The following LINGO2 variants were observed in gnomAD, a reference collection of about 807,000 sequenced individuals.
The protein encoded by LINGO2 is leucine-rich repeat and immunoglobulin-like domain-containing nogo receptor-interacting protein 2.
In LINGO2, 14 loss-of-function variants were observed where a neutral mutation model predicts 30.6. That is an observed-to-expected ratio of 0.46 (90% CI 0.30 to 0.72). The LOEUF (loss-of-function observed/expected upper bound fraction) is 0.72, where lower values mean the gene tolerates loss of function less well. Among genes scored for constraint, LINGO2 ranks in the 30% least tolerant of loss-of-function variants. LINGO2 has a pLI of 0.07. For missense variants in LINGO2, 729 were observed against 751.7 expected (o/e 0.97, Z 0.35); for synonymous variants, 317 against 288.5 (o/e 1.10, Z -1.00).
intron 4 of LINGO2, among the ~76,000 whole-genome samples, chr9:28,086,852 A>T (rs938801299): frequency 7.0e-6 from 1 of 143,396 alleles, no homozygotes; most frequent in Non-Finnish European, 1.6e-5. Context: ...GCAAGGCTTA[A>T]ATAGCAAGTA....
intron 2 of LINGO2, among the ~76,000 whole-genome samples, chr9:28,436,072 C>T (rs917787546): frequency 2.6e-5 from 4 of 152,178 alleles, no homozygotes; most frequent in Non-Finnish European, 1.5e-5. Flanking sequence ...GTCTTTCTTT[C>T]TGTTCTTAAC....
intron 4 of LINGO2, among the ~76,000 whole-genome samples, chr9:28,045,720 T>C (rs553816840): frequency 6.6e-6 from 1 of 151,736 alleles, no homozygotes; most frequent in African/African-American, 2.4e-5. Context: ...ACACTAATTT[T>C]CACAGGTACT....
chr9:29,033,631 C>G, the LINGO2 span, among the ~76,000 whole-genome samples: 1 of 151,332 alleles, frequency 6.6e-6, no homozygotes, highest in Non-Finnish European at 1.5e-5. Flanking sequence ...ATGATTGCAT[C>G]TTCATATATA....
chr9:27,979,942 A>G (rs1405193044), intron 5 of LINGO2, among the ~76,000 whole-genome samples: 1 of 151,976 alleles, frequency 6.6e-6, no homozygotes, highest in East Asian at 1.9e-4. Context: ...AGGAAGAATC[A>G]TATCTCATGT....
the LINGO2 span, among the ~76,000 whole-genome samples, chr9:29,002,196 T>G: frequency 6.6e-6 from 1 of 152,058 alleles, no homozygotes; most frequent in Admixed American, 6.6e-5. Context: ...TCCTCCAATA[T>G]CTTCATTACT....
chr9:28,065,750 G>A (rs995864553), intron 4 of LINGO2, among the ~76,000 whole-genome samples: 1 of 151,924 alleles, frequency 6.6e-6, no homozygotes, highest in Admixed American at 6.6e-5. Context: ...AGTAAAATGG[G>A]GTTAATACCA....
the LINGO2 span, among the ~76,000 whole-genome samples, chr9:29,088,845 A>G: frequency 9.1e-4 from 138 of 152,280 alleles, 1 homozygote; most frequent in African/African-American, 3.2e-3. Flanking sequence ...TCAATCTAAA[A>G]TCCAAGTAAA....
At chr9:28,662,078 TGAC>T (rs1241172695) in intron 1 of LINGO2, among the ~76,000 whole-genome samples, 1 of 152,214 alleles carries the variant, frequency 6.6e-6, no homozygotes, top group East Asian at 1.9e-4. Flanking sequence ...TCACAGGCTC[TGAC>T]AGTTGATTGG....
At chr9:28,771,163 C>T in the LINGO2 span, among the ~76,000 whole-genome samples, 3 of 152,044 alleles carry the variant, frequency 2.0e-5, no homozygotes, top group Admixed American at 6.5e-5. Context: ...CTGTAATCAG[C>T]TTATATAGGT....
intron 1 of LINGO2, among the ~76,000 whole-genome samples, chr9:28,605,087 G>A (rs539994053): frequency 3.3e-5 from 5 of 151,962 alleles, no homozygotes; most frequent in African/African-American, 1.2e-4. Flanking sequence ...CTATTCATAC[G>A]TAGTTATTGA....
At chr9:28,702,448 C>A in the LINGO2 span, among the ~76,000 whole-genome samples, 1 of 151,622 alleles carries the variant, frequency 6.6e-6, no homozygotes, top group Non-Finnish European at 1.5e-5. Context: ...AAATCTATTA[C>A]CTGGAATAAA....
rs532861458 is a variant in LINGO2 at position 28,061,589 on chromosome 9, G to T, written c.-86-49184C>A. Among the ~76,000 whole-genome samples, 3 of 151,954 alleles carry T rather than the reference G, an allele frequency of 2.0e-5. No homozygotes were observed. The South Asian group carries it at 6.2e-4, about 32-fold the overall frequency. On this transcript the variant is annotated intron_variant, in intron 4 of 5. Coordinates refer to ENST00000379992, the Ensembl canonical transcript of LINGO2. ...ATAAAAAAAGTAAATGAAATAAAAG[G>T]AAAATATGACCATGATGCCCATGCA...
Position 28,149,265 on chromosome 9 carries a change from G to A in LINGO2, c.-86-136860C>T, listed in dbSNP as rs373574165. 5.5e-4 allele frequency: 356 copies of A among 650,916 alleles called. 1 individual carries two copies. The highest frequency in any genetic ancestry group is 8.3e-4 in the Non-Finnish European group (318 of 381,176). 40.3% of individuals were successfully genotyped at this position (650,916 alleles called of 1,614,324 possible). A position where few individuals can be genotyped will look rare whatever the true frequency, so the allele number is the denominator to read the frequency against. ...AGCACTTTGGGAGGCCCAGGCGGGC[G>A]GATCAGGAGGTCAAGAGATTGAGAC... On this transcript the variant is annotated intron_variant, in intron 4 of 5. Coordinates refer to ENST00000379992, the Ensembl canonical transcript of LINGO2.
intron 4 of LINGO2, among the ~76,000 whole-genome samples, chr9:28,132,503 G>A (rs560824828): frequency 2.9e-4 from 44 of 152,236 alleles, no homozygotes; most frequent in African/African-American, 9.9e-4. Context: ...AACCATTGCA[G>A]GTACTTCAGT....
the LINGO2 span, among the ~76,000 whole-genome samples, chr9:28,826,322 G>A: frequency 1.3e-5 from 2 of 152,060 alleles, no homozygotes; most frequent in Admixed American, 6.6e-5. Context: ...AATTAAATGA[G>A]TTATTATATC....
chr9:28,108,160 C>A (rs1826655286), intron 4 of LINGO2, among the ~76,000 whole-genome samples: 1 of 152,110 alleles, frequency 6.6e-6, no homozygotes, highest in African/African-American at 2.4e-5. Context: ...ATTCCGAAAG[C>A]TCTCTCGCAG....
At chr9:28,755,678 C>T in the LINGO2 span, among the ~76,000 whole-genome samples, 1 of 152,098 alleles carries the variant, frequency 6.6e-6, no homozygotes, top group East Asian at 1.9e-4. Flanking sequence ...AAACTACAGT[C>T]TCTCCTGTTG....
chr9:28,347,200 A>G (rs1819615673), intron 3 of LINGO2, among the ~76,000 whole-genome samples: 1 of 152,238 alleles, frequency 6.6e-6, no homozygotes, highest in South Asian at 2.1e-4. Flanking sequence ...TTTACAAAAT[A>G]TAAAAATTTG....
At chr9:28,111,797 C>A (rs935833400) in intron 4 of LINGO2, among the ~76,000 whole-genome samples, 10 of 152,054 alleles carry the variant, frequency 6.6e-5, no homozygotes, top group Non-Finnish European at 1.3e-4. Context: ...TATACAAGGG[C>A]TTTTAGAGTC....
Sources: allele counts gnomAD v4.1 joint callset (sites outside exome capture counted in the v4.1 genomes callset), GRCh38; gene constraint gnomAD v4.1.1; transcripts MANE v1.5; gene names NCBI Gene and HGNC (gene_info 2026-07-23, HGNC 2026-07-21).